Variants in NIPA2 observed in about 807,000 individuals in gnomAD.
The protein encoded by NIPA2 is NIPA magnesium transporter 2.
In NIPA2, 11 loss-of-function variants were observed where a neutral mutation model predicts 29.7. That is an observed-to-expected ratio of 0.37 (90% CI 0.23 to 0.61). The LOEUF (loss-of-function observed/expected upper bound fraction) is 0.61. Among genes scored for constraint, NIPA2 ranks in the 20% least tolerant of loss-of-function variants. The pLI, the probability that NIPA2 is intolerant of heterozygous loss-of-function variation, is 0.66. For missense variants in NIPA2, 426 were observed against 437.9 expected (o/e 0.97, Z 0.24); for synonymous variants, 183 against 161.9 (o/e 1.13, Z -0.99).
At chr15:22,843,013 AAAAG>A (rs952962770) in intron 2 of NIPA2, among the ~76,000 whole-genome samples, 9 of 151,700 alleles carry the variant, frequency 5.9e-5, no homozygotes, top group Admixed American at 3.3e-4. Context: ...AAAAAAAAAA[AAAAG>A]AGAGATCTAA....
intron 7 of NIPA2, among the ~76,000 whole-genome samples, chr15:22,863,005 G>A (rs2058727697): frequency 1.3e-5 from 2 of 148,804 alleles, no homozygotes; most frequent in East Asian, 2.0e-4. Flanking sequence ...GGGCTCAAGC[G>A]ATCCTCCCAC....
chr15:22,866,244 T>C lies in NIPA2; in HGVS notation c.480T>C (p.Ile160=), dbSNP rs1246266028. The change falls in exon 8 of 8, where the codon ATT becomes ATC. Residue 160 remains isoleucine (I), a synonymous_variant. Coordinates refer to ENST00000337451, the MANE Select transcript of NIPA2 (RefSeq NM_030922.7). The part of the protein sequence containing the change: ...GFVVFATLVV[I]VALILIFVVG... ...TGGTCTTTGCAACCCTTGTGGTCAT[T>C]GTGGCCTTGATATTAATCTTCGTGG... is the stretch of plus-strand genomic sequence containing the variant. The C allele has an allele frequency of 1.2e-6, 2 of 1,613,958 alleles. No individual in the cohort carries two copies. The highest frequency in any genetic ancestry group is 1.7e-6 in the Non-Finnish European group (2 of 1,179,820).
At chr15:22,846,665 T>A (rs1898723807) in intron 3 of NIPA2, among the ~76,000 whole-genome samples, 1 of 151,312 alleles carries the variant, frequency 6.6e-6, no homozygotes, top group East Asian at 1.9e-4. Context: ...ATACCAAAAT[T>A]AGCCAGGTGG....
chr15:22,840,770 G>A (rs1224713086), intron 2 of NIPA2, among the ~76,000 whole-genome samples: 1 of 152,164 alleles, frequency 6.6e-6, no homozygotes, highest in East Asian at 1.9e-4. Flanking sequence ...ATGATGCATG[G>A]AATAGTGCCT....
In NIPA2 at chr15:22,867,959, TTGAC is replaced by T. The variant is rs1307794681; in HGVS notation, c.*1115_*1118del. ...CTTTGAACCTATCCACTCATAACCATTGACTGGCCTTTAAAAAAAAGTATTGGCA... is the reference window on the plus strand; with the variant it reads ...CTTTGAACCTATCCACTCATAACCATTGGCCTTTAAAAAAAAGTATTGGCA... On this transcript the variant is annotated 3_prime_UTR_variant, in exon 8 of 8. Transcript: ENST00000337451. 3 of 152,368 alleles carry T rather than the reference TTGAC, an allele frequency of 2.0e-5. No homozygotes were observed. The highest frequency in any genetic ancestry group is 2.1e-4 in the South Asian group (1 of 4,818). The allele number at this position is 152,368 out of a possible 1,614,324, so 9.4% of individuals were successfully genotyped here.
At chr15:22,854,438 T>C (rs2058033702) in intron 5 of NIPA2, among the ~76,000 whole-genome samples, 2 of 150,558 alleles carry the variant, frequency 1.3e-5, no homozygotes, top group South Asian at 4.3e-4. Context: ...TAGTTATTTT[T>C]AAATGTACAA....
chr15:22,840,264 G>T (rs936243125), intron 2 of NIPA2, among the ~76,000 whole-genome samples: 1 of 148,026 alleles, frequency 6.8e-6, no homozygotes. Flanking sequence ...TAAAGATTTC[G>T]TAGAAAACTA....
In NIPA2 at chr15:22,866,326, A is replaced by C; in HGVS notation, c.562A>C (p.Ile188Leu). The C allele has an allele frequency of 6.2e-7, 1 of 1,614,032 alleles. No homozygotes were observed. Among genetic ancestry groups the C allele is most frequent in the African/African-American group, 1.3e-5 (1 of 74,982 alleles). ...TGTGTACATAACAATCTGCTCTGTA[A>C]TCGGCGCGTTTTCAGTCTCCTGTGT... is the stretch of plus-strand genomic sequence containing the variant. ...ILVYITICSV[I>L]GAFSVSCVKG... Residue 188 changes from isoleucine to leucine, a missense_variant, in exon 8 of 8, where the codon ATC (isoleucine) becomes CTC (leucine). Physicochemically the swap from Ile to Leu is conservative, Grantham distance 5. Transcript: ENST00000337451.
intron 5 of NIPA2, among the ~76,000 whole-genome samples, chr15:22,856,977 C>T (rs1023132343): frequency 6.6e-6 from 1 of 152,186 alleles, no homozygotes; most frequent in Non-Finnish European, 1.5e-5. Flanking sequence ...TCCCAGTGTT[C>T]TAAAATTTCT....
At chr15:22,844,849 G>A (rs978016811) in intron 2 of NIPA2, among the ~76,000 whole-genome samples, 3 of 152,160 alleles carry the variant, frequency 2.0e-5, no homozygotes, top group Admixed American at 6.5e-5. Context: ...TGTTTAAAAC[G>A]TCAGTAGGTT....
rs760559466 is a variant in NIPA2 at position 22,866,228 on chromosome 15, C to G, written c.464C>G (p.Ala155Gly). 2 of 1,611,872 alleles carry G rather than the reference C, an allele frequency of 1.2e-6. No homozygotes were observed. Among genetic ancestry groups the G allele is most frequent in the East Asian group, 4.5e-5 (2 of 44,852 alleles). ...KLGDPGFVVF[A>G]TLVVIVALIL... The stretch of plus-strand genomic sequence containing the variant: ...CCTCCTCCAGGTTTTGTGGTCTTTG[C>G]AACCCTTGTGGTCATTGTGGCCTTG... The change falls in exon 8 of 8, where the codon GCA (alanine) becomes GGA (glycine). Residue 155 changes from alanine (A) to glycine (G), a missense_variant. Ala to Gly is a moderately conservative substitution (Grantham distance 60, BLOSUM62 0). Around this residue, in one of 3 missense-constraint regions of NIPA2, gnomAD observed 357 missense variants for 339.8 expected, o/e 1.05. Transcript: ENST00000337451.
intron 5 of NIPA2, among the ~76,000 whole-genome samples, chr15:22,856,565 G>A (rs1358412207): frequency 6.6e-6 from 1 of 151,948 alleles, no homozygotes; most frequent in African/African-American, 2.4e-5. Flanking sequence ...TTTAACAAGA[G>A]AAGAAAAAGG....
At chr15:22,864,673 C>T (rs555151743) in intron 7 of NIPA2, among the ~76,000 whole-genome samples, 4 of 152,222 alleles carry the variant, frequency 2.6e-5, no homozygotes, top group Non-Finnish European at 5.9e-5. Context: ...ACTTTTCAGC[C>T]AGGCCTCACT....
intron 3 of NIPA2, among the ~76,000 whole-genome samples, chr15:22,847,119 T>C (rs1045222703): frequency 6.6e-6 from 1 of 151,944 alleles, no homozygotes; most frequent in Non-Finnish European, 1.5e-5. Context: ...TTGGTCAGGC[T>C]GGTCTCGAAC....
intron 5 of NIPA2, among the ~76,000 whole-genome samples, chr15:22,858,110 G>A (rs1403211326): frequency 1.3e-5 from 2 of 151,932 alleles, no homozygotes; most frequent in African/African-American, 4.8e-5. Context: ...ATAAATTGGA[G>A]AGGCTGGGCG....
At position 22,851,857 on chromosome 15, in the gene NIPA2, C is replaced by A. The variant is rs1462622686; in HGVS notation, c.126C>A (p.Gly42=). 1 of 1,613,382 alleles carries A rather than the reference C, an allele frequency of 6.2e-7. No homozygotes were observed. The highest frequency in any genetic ancestry group is 1.3e-5 in the African/African-American group (1 of 74,950). The stretch of plus-strand genomic sequence containing the variant: ...GCCTCCTTCGACTTGCCAGGAAAGG[C>A]TCTATGAGAGCAGGTAGGTTATGCC... ...KKGLLRLARK[G]SMRAGQGGHA... is the part of the protein sequence containing the mutation. Residue 42 remains glycine, a synonymous_variant, in exon 4 of 8, where the codon GGC becomes GGA. Coordinates refer to ENST00000337451, the MANE Select transcript of NIPA2 (RefSeq NM_030922.7).
chr15:22,866,168 ACAAC>A (rs749729651), intron 7 of NIPA2, 41 bp from the exon 8 acceptor site: 24 of 1,533,866 alleles, frequency 1.6e-5, no homozygotes, highest in Middle Eastern at 1.7e-4. Flanking sequence ...GTGTTTAAGA[ACAAC>A]CAACCATTTG....
At position 22,867,186 on chromosome 15, in the gene NIPA2, C is replaced by G; in HGVS notation, c.*339C>G. The G allele has an allele frequency of 2.3e-6, 1 of 435,396 alleles. No homozygotes were observed. The highest frequency in any genetic ancestry group is 4.0e-6 in the Non-Finnish European group (1 of 249,012). 27.0% of individuals were successfully genotyped at this position (435,396 alleles called of 1,614,324 possible). ...ATTGGTGATGAAAGTCTGAAATGTG[C>G]ATTTGTCATCCCCACTCCATCAATC... On this transcript the variant is annotated 3_prime_UTR_variant, in exon 8 of 8. Transcript: ENST00000337451.
rs1295218958 is a variant in NIPA2 at position 22,863,673 on chromosome 15, A to G, written c.449-2540A>G. The stretch of plus-strand genomic sequence containing the variant: ...CTCCTTTCTGGGTCTTGTTCCATTC[A>G]GTTCCAGCTGCTTAGGCAGCCCCAA... On this transcript the variant is annotated intron_variant, in intron 7 of 7. Transcript: ENST00000337451. Among the ~76,000 whole-genome samples the G allele has an allele frequency of 3.9e-5, 6 of 152,332 alleles. No homozygotes were observed. The East Asian group carries it at 5.8e-4, about 15-fold the overall frequency.
Sources: gnomAD v4.1 joint callset for allele counts (sites outside exome capture counted in the v4.1 genomes callset) on GRCh38, gnomAD v4.1.1 for gene constraint, gnomAD v4.1.1 regional missense constraint, MANE v1.5 for transcripts, NCBI Gene and HGNC (gene_info 2026-07-23, HGNC 2026-07-21) for gene names.